The following STK10 variants were observed in gnomAD, a reference collection of about 807,000 sequenced individuals.
STK10 encodes the protein serine/threonine kinase 10, also known as serine/threonine-protein kinase 10.
In STK10, 78 loss-of-function variants were observed where a neutral mutation model predicts 113.8. The observed-to-expected ratio is 0.69, with a 90% CI of 0.57 to 0.83. The LOEUF is 0.83. Ranked by LOEUF, STK10 falls within the 40% of genes least tolerant of loss-of-function variation. The probability of loss-of-function intolerance (pLI) is 0.00; values close to 1 mark genes in which losing one functional copy is unlikely to be tolerated. For synonymous variants in STK10, 465 were observed against 494.7 expected, an observed-to-expected ratio of 0.94 and a Z score of 0.80; for missense variants, 1,109 against 1,280.1, an observed-to-expected ratio of 0.87 and a Z score of 2.04.
At chr5:172,144,603 G>A (rs996992806) in intron 2 of STK10, among the ~76,000 whole-genome samples, 3 of 152,154 alleles carry the variant, frequency 2.0e-5, no homozygotes, top group Non-Finnish European at 4.4e-5. Context: ...ACACCCCCAG[G>A]CCTCCCAGGA....
chr5:172,106,742 G>C lies in STK10; in HGVS notation c.666C>G (p.Ser222=). The part of the protein sequence containing the change: ...TPYDYKADIW[S]LGITLIEMAQ... ...CCATCTCAATCAGCGTGATGCCCAG[G>C]GACCAGATGTCGGCTTTGTAGTCGT... Residue 222 remains serine, a synonymous_variant, in exon 6 of 19, where the codon TCC becomes TCG. Coordinates refer to ENST00000176763, the MANE Select transcript of STK10 (RefSeq NM_005990.4). 2 of 1,614,192 alleles carry C rather than the reference G, an allele frequency of 1.2e-6. No homozygotes were observed. The highest frequency in any genetic ancestry group is 2.2e-5 in the South Asian group (2 of 91,088).
chr5:172,082,579 G>T lies in STK10; in HGVS notation c.1810-74C>A. The T allele has an allele frequency of 6.7e-7, 1 of 1,491,150 alleles. No individual in the cohort carries two copies. Among genetic ancestry groups the T allele is most frequent in the Non-Finnish European group, 9.0e-7 (1 of 1,115,372 alleles). 92.4% of individuals were successfully genotyped at this position (1,491,150 alleles called of 1,614,324 possible). A position where few individuals can be genotyped will look rare whatever the true frequency, so the allele number is the denominator to read the frequency against. ...TGGGAGGGACATGGGAAGTGGAATG[G>T]GGAGAACTCAGAGCTTGTGATCAGA... On this transcript the variant is annotated intron_variant, in intron 11 of 18. Transcript: ENST00000176763. This position sits in a 1 kb window ranked among gnomAD's most constrained non-coding sequence, Gnocchi z 4.3.
chr5:172,137,750 G>A (rs558516809), intron 2 of STK10, among the ~76,000 whole-genome samples: 14 of 149,232 alleles, frequency 9.4e-5, no homozygotes, highest in Admixed American at 4.6e-4. Flanking sequence ...AAAATTAGCC[G>A]GGCGTGGTGG....
intron 12 of STK10, among the ~76,000 whole-genome samples, chr5:172,066,281 G>A (rs909470488): frequency 2.6e-5 from 4 of 152,064 alleles, no homozygotes; most frequent in Non-Finnish European, 5.9e-5. Flanking sequence ...ACGAAGGGGA[G>A]TCAAAACTTG....
intron 1 of STK10, among the ~76,000 whole-genome samples, chr5:172,181,443 C>T (rs555081240): frequency 3.5e-4 from 53 of 151,558 alleles, no homozygotes; most frequent in Admixed American, 9.2e-4. Context: ...TTACGTAAAG[C>T]GCCTAGCACA....
intron 7 of STK10, among the ~76,000 whole-genome samples, chr5:172,103,654 A>T (rs1244947889): frequency 9.9e-5 from 15 of 152,154 alleles, no homozygotes; most frequent in Admixed American, 9.8e-4. Context: ...GCACTCCAGA[A>T]ATTTGCTTTC....
At chr5:172,045,437 T>C (rs1260328898) in intron 18 of STK10, 5 of 457,792 alleles carry the variant, frequency 1.1e-5, no homozygotes, top group Non-Finnish European at 2.2e-5. Flanking sequence ...TGAGTTGAGA[T>C]TGCGCCACTG....
intron 1 of STK10, among the ~76,000 whole-genome samples, chr5:172,175,670 C>T (rs1203638892): frequency 6.6e-6 from 1 of 152,196 alleles, no homozygotes; most frequent in Non-Finnish European, 1.5e-5. Flanking sequence ...AGAAGGGTGA[C>T]ATTCCTGGGC....
chr5:172,111,676 G>T (rs1272253657), intron 4 of STK10, among the ~76,000 whole-genome samples: 1 of 152,188 alleles, frequency 6.6e-6, no homozygotes, highest in Non-Finnish European at 1.5e-5. Context: ...ATTTTAAAAT[G>T]TATTAGAGAC....
Position 172,044,745 on chromosome 5 carries a change from G to T in STK10, c.*137C>A. On this transcript the variant is annotated 3_prime_UTR_variant, in exon 19 of 19. Coordinates refer to ENST00000176763, the MANE Select transcript of STK10 (RefSeq NM_005990.4). This position sits in a 1 kb window ranked among gnomAD's most constrained non-coding sequence, Gnocchi z 4.5. ...GGCAGGTCTATCAGGCACAGTTGGG[G>T]TGGCACAGGGCGAGGGGCTGGATTT... 1.4e-6 allele frequency: 2 copies of T among 1,431,616 alleles called. No homozygotes were observed. Among genetic ancestry groups the T allele is most frequent in the Non-Finnish European group, 1.9e-6 (2 of 1,036,730 alleles). The allele number at this position is 1,431,616 out of a possible 1,614,324, so 88.7% of individuals were successfully genotyped here. A position where few individuals can be genotyped will look rare whatever the true frequency, so the allele number is the denominator to read the frequency against.
At chr5:172,128,251 G>T (rs931616344) in intron 2 of STK10, among the ~76,000 whole-genome samples, 2 of 146,524 alleles carry the variant, frequency 1.4e-5, no homozygotes, top group South Asian at 4.3e-4. Context: ...AAAAAGAAAG[G>T]TTCTTCCAGC....
At chr5:172,169,587 G>T (rs1770629587) in intron 1 of STK10, among the ~76,000 whole-genome samples, 1 of 152,128 alleles carries the variant, frequency 6.6e-6, no homozygotes, top group Non-Finnish European at 1.5e-5. Context: ...GAATGGGTGT[G>T]CATGAGACTA....
chr5:172,049,768 G>A (rs1767586481), intron 18 of STK10, among the ~76,000 whole-genome samples: 1 of 151,986 alleles, frequency 6.6e-6, no homozygotes, highest in Non-Finnish European at 1.5e-5. Flanking sequence ...TAACTGAATG[G>A]GTATTCTTCA....
At chr5:172,114,449 T>TATATATATATATATATATATA (rs1769321280) in intron 4 of STK10, 1 of 38,242 alleles carries the variant, frequency 2.6e-5, no homozygotes, top group Non-Finnish European at 4.8e-5. Flanking sequence ...TATATTAAAA[T>TATATATATATATATATATATA]TATATATATA....
At position 172,122,111 on chromosome 5, in the gene STK10, C is replaced by G. The variant is rs117684790; in HGVS notation, c.371-4481G>C. On this transcript the variant is annotated intron_variant, in intron 3 of 18. Coordinates refer to ENST00000176763, the MANE Select transcript of STK10 (RefSeq NM_005990.4). ...TTCAACTCCTGACCTTGTGATCCAC[C>G]CGCCGCAGCCTTCCTAAGTGCTGGG... 2.2e-3 allele frequency among the ~76,000 whole-genome samples: 328 copies of G among 152,252 alleles called. 10 individuals are homozygous for G. The East Asian group carries it at 0.052, about 24-fold the overall frequency.
At chr5:172,055,452 A>G (rs1767726626) in intron 16 of STK10, 136 bp downstream of exon 16, 1 of 948,084 alleles carries the variant, frequency 1.1e-6, no homozygotes, top group Non-Finnish European at 1.4e-6. Context: ...GGCCTCTCAA[A>G]GTGTTGGGAT....
At chr5:172,088,342 G>A (rs139035236) in intron 10 of STK10, among the ~76,000 whole-genome samples, 3,240 of 152,132 alleles carry the variant, frequency 0.021, 52 homozygotes, top group African/African-American at 0.035. Flanking sequence ...TGGCCAATAC[G>A]GTGAAACCCC....
intron 2 of STK10, among the ~76,000 whole-genome samples, chr5:172,132,174 T>C (rs1001710624): frequency 6.6e-6 from 1 of 152,130 alleles, no homozygotes; most frequent in African/African-American, 2.4e-5. Flanking sequence ...AATAATAATC[T>C]CAATGCTTTA....
intron 14 of STK10, among the ~76,000 whole-genome samples, chr5:172,059,434 CAAAA>C (rs58446505): frequency 0.021 from 1,212 of 56,962 alleles, 16 homozygotes; most frequent in African/African-American, 0.061. Context: ...CTCTCCATCT[CAAAA>C]AAAAAAAAAA....
Sources: allele counts gnomAD v4.1 joint callset (sites outside exome capture counted in the v4.1 genomes callset), GRCh38; gene constraint gnomAD v4.1.1; non-coding constraint Gnocchi (gnomAD v3.1); transcripts MANE v1.5; gene names NCBI Gene and HGNC (gene_info 2026-07-23, HGNC 2026-07-21).